Variants in GALNT18 observed in about 807,000 individuals in gnomAD.
GALNT18 encodes polypeptide N-acetylgalactosaminyltransferase 18, also known as GalNAc-transferase 18.
GALNT18 carries 44 observed loss-of-function variants against 69.5 expected under a neutral mutation model. The observed-to-expected ratio is 0.63, with a 90% CI of 0.50 to 0.81. The LOEUF is 0.81. GALNT18 is among the 40% of genes least tolerant of loss of function. GALNT18 has a pLI of 0.00. For synonymous variants in GALNT18, 364 were observed against 318.2 expected, an observed-to-expected ratio of 1.14 and a Z score of -1.53; for missense variants, 715 against 810.0, an observed-to-expected ratio of 0.88 and a Z score of 1.42.
chr11:11,369,810 GA>G lies in GALNT18; in HGVS notation c.1092+2704del, dbSNP rs202180020. ...CATTGTGTTGCCGACTTACAAATCA[GA>G]AAAAAAAAAGAGCATGAAATAAGAA... On this transcript the variant is annotated intron_variant, in intron 6 of 10. Transcript: ENST00000227756. 4.6e-4 allele frequency among the ~76,000 whole-genome samples: 66 copies of G among 144,820 alleles called. No homozygotes were observed. The South Asian group carries it at 6.6e-3, about 14-fold the overall frequency.
intron 3 of GALNT18, among the ~76,000 whole-genome samples, chr11:11,405,261 A>G (rs1246176110): frequency 6.6e-6 from 1 of 152,194 alleles, no homozygotes; most frequent in Non-Finnish European, 1.5e-5. Context: ...CTAGGCTGTG[A>G]AGGAGACTCA....
chr11:11,391,892 C>T (rs1473080783), intron 3 of GALNT18, among the ~76,000 whole-genome samples: 1 of 152,228 alleles, frequency 6.6e-6, no homozygotes, highest in East Asian at 1.9e-4. Context: ...CGGAGCCATA[C>T]CCCAGCCCTG....
intron 1 of GALNT18, among the ~76,000 whole-genome samples, chr11:11,452,605 C>T (rs1204679091): frequency 2.6e-5 from 4 of 152,190 alleles, no homozygotes; most frequent in Non-Finnish European, 4.4e-5. Context: ...ACTCCACTCC[C>T]GTCTCCAGTG....
rs1478572399 is a variant in GALNT18, at chr11:11,377,213, A to G, written c.946T>C (p.Trp316Arg). ...GGCGCTGTGGAGTTCTCCAGCTTCC[A>G]CCAGGCCTTGGGGGGATTTAGGTAG... ...CRYLNPPKAW[W>R]KLENSTAPIR... is the part of the protein sequence containing the mutation. Residue 316 changes from tryptophan to arginine, a missense_variant, in exon 5 of 11, where the codon TGG (tryptophan) becomes CGG (arginine). Trp to Arg is a moderately radical substitution (Grantham distance 101, BLOSUM62 -3). Coordinates refer to ENST00000227756, the MANE Select transcript of GALNT18 (RefSeq NM_198516.3). The surrounding 1 kb of genome is among the most constrained non-coding windows in gnomAD (Gnocchi z 4.6). 1 of 1,613,394 alleles carries G rather than the reference A, an allele frequency of 6.2e-7. No homozygotes were observed. The highest frequency in any genetic ancestry group is 8.5e-7 in the Non-Finnish European group (1 of 1,180,000).
At chr11:11,486,464 T>C (rs1253212466) in intron 1 of GALNT18, among the ~76,000 whole-genome samples, 9 of 152,174 alleles carry the variant, frequency 5.9e-5, no homozygotes, top group Non-Finnish European at 1.0e-4. Context: ...GAAAGTTAAA[T>C]CACTCCAAAT....
At chr11:11,474,657 G>A (rs962456060) in intron 1 of GALNT18, among the ~76,000 whole-genome samples, 3 of 152,190 alleles carry the variant, frequency 2.0e-5, no homozygotes, top group African/African-American at 7.2e-5. Flanking sequence ...GGGCTTTAAA[G>A]TTAAGTAAAG....
At chr11:11,271,894 C>G (rs1182073253) in intron 10 of GALNT18, among the ~76,000 whole-genome samples, 1 of 152,228 alleles carries the variant, frequency 6.6e-6, no homozygotes, top group Admixed American at 6.5e-5. Context: ...CCTTGATGTT[C>G]TGCTCCTCAT....
In GALNT18 at chr11:11,435,974, C is replaced by T. The variant is rs1855391258; in HGVS notation, c.429-3187G>A. Among the ~76,000 whole-genome samples the T allele has an allele frequency of 6.6e-6, 1 of 152,242 alleles. No homozygotes were observed. The highest frequency in any genetic ancestry group is 2.4e-5 in the African/African-American group (1 of 41,472). ...TTCTCTCCTGGGACTGCTGGGGCCT[C>T]CTGGCGACAGCCATGCTGCCGCTGT... is the stretch of plus-strand genomic sequence containing the variant. On this transcript the variant is annotated intron_variant, in intron 2 of 10. Coordinates refer to ENST00000227756, the MANE Select transcript of GALNT18 (RefSeq NM_198516.3). This position sits in a 1 kb window ranked among gnomAD's most constrained non-coding sequence, Gnocchi z 4.4.
chr11:11,520,278 C>T (rs912608992), intron 1 of GALNT18, among the ~76,000 whole-genome samples: 1 of 151,828 alleles, frequency 6.6e-6, no homozygotes, highest in African/African-American at 2.4e-5. Context: ...AACTGAGGCA[C>T]AGAGGGCTTA....
chr11:11,514,021 G>A (rs114384430), intron 1 of GALNT18, among the ~76,000 whole-genome samples: 109 of 152,298 alleles, frequency 7.2e-4, no homozygotes, highest in African/African-American at 2.4e-3. Flanking sequence ...TGGGAGTGAG[G>A]GGACCCTGTT....
chr11:11,612,912 T>C (rs1859947405), intron 1 of GALNT18, among the ~76,000 whole-genome samples: 1 of 152,182 alleles, frequency 6.6e-6, no homozygotes, highest in East Asian at 1.9e-4. Flanking sequence ...CAATGGAAAG[T>C]AGCCCAGCAA....
At chr11:11,379,322 A>T (rs890454029) in intron 3 of GALNT18, 58 bp from the exon 4 acceptor site, 1 of 1,499,006 alleles carries the variant, frequency 6.7e-7, no homozygotes, top group South Asian at 1.2e-5. Context: ...CAGAGGGGGC[A>T]ATCACAACAG....
rs1277355142 is a variant in GALNT18, at chr11:11,592,398, G to A, written c.235+28961C>T. Reference sequence around the variant, plus strand: ...AAGTGGACTGAGTTTTCTAGATAATGTTTGAGCAATTCATCCTTCCCGCAA... The same window carrying A: ...AAGTGGACTGAGTTTTCTAGATAATATTTGAGCAATTCATCCTTCCCGCAA... On this transcript the variant is annotated intron_variant, in intron 1 of 10. Coordinates refer to ENST00000227756, the MANE Select transcript of GALNT18 (RefSeq NM_198516.3). This position sits in a 1 kb window ranked among gnomAD's most constrained non-coding sequence, Gnocchi z 5.9. Among the ~76,000 whole-genome samples, 3 of 152,178 alleles carry A rather than the reference G, an allele frequency of 2.0e-5. No individual in the cohort carries two copies. Among genetic ancestry groups the A allele is most frequent in the Non-Finnish European group, 2.9e-5 (2 of 68,040 alleles).
intron 9 of GALNT18, among the ~76,000 whole-genome samples, chr11:11,316,042 A>T (rs1021975207): frequency 6.6e-6 from 1 of 152,040 alleles, no homozygotes; most frequent in African/African-American, 2.4e-5. Flanking sequence ...GACCCAATTA[A>T]CCCTAACTGG....
intron 3 of GALNT18, among the ~76,000 whole-genome samples, chr11:11,397,935 C>T (rs1854372822): frequency 6.6e-6 from 1 of 152,186 alleles, no homozygotes; most frequent in African/African-American, 2.4e-5. Flanking sequence ...AAGTGCAGCC[C>T]CTCAGCTTCC....
In GALNT18 at chr11:11,547,331, T is replaced by A. The variant is rs377731703; in HGVS notation, c.235+74028A>T. Among the ~76,000 whole-genome samples the A allele has an allele frequency of 7.9e-5, 12 of 152,288 alleles. No homozygotes were observed. The South Asian group carries it at 2.1e-3, about 26-fold the overall frequency. On this transcript the variant is annotated intron_variant, in intron 1 of 10. Transcript: ENST00000227756. ...GCCACAGAGGAGCTCCTGACCTACT[T>A]TGTGCAACTTCAGGCTCAGGTAAGG... is the stretch of plus-strand genomic sequence containing the variant.
intron 3 of GALNT18, among the ~76,000 whole-genome samples, chr11:11,405,980 T>C (rs1248395694): frequency 6.6e-6 from 1 of 152,232 alleles, no homozygotes; most frequent in East Asian, 1.9e-4. Context: ...GCAGTCCTGC[T>C]GGACCAGAAG....
At position 11,543,261 on chromosome 11, in the gene GALNT18, G is replaced by A. The variant is rs1456004587; in HGVS notation, c.235+78098C>T. Among the ~76,000 whole-genome samples the A allele has an allele frequency of 1.3e-5, 2 of 152,218 alleles. No homozygotes were observed. Among genetic ancestry groups the A allele is most frequent in the Non-Finnish European group, 2.9e-5 (2 of 68,036 alleles). On this transcript the variant is annotated intron_variant, in intron 1 of 10. Transcript: ENST00000227756. The surrounding 1 kb of genome is among the most constrained non-coding windows in gnomAD (Gnocchi z 5.1). ...CCAGCCAGGCTGATCTGTGATCATT[G>A]CAAGTTGTTGCATCCTTGAGAGTAA...
chr11:11,615,983 T>C (rs2133971570), intron 1 of GALNT18, among the ~76,000 whole-genome samples: 1 of 152,278 alleles, frequency 6.6e-6, no homozygotes, highest in Admixed American at 6.5e-5. Context: ...CACTGAGTCT[T>C]TTTTTCTTCT....
Sources: gnomAD v4.1 joint callset for allele counts (sites outside exome capture counted in the v4.1 genomes callset) on GRCh38, gnomAD v4.1.1 for gene constraint, Gnocchi (gnomAD v3.1) non-coding constraint, MANE v1.5 for transcripts, NCBI Gene and HGNC (gene_info 2026-07-23, HGNC 2026-07-21) for gene names.